KLHL5: variants seen among roughly 807,000 people sequenced by gnomAD.
KLHL5 encodes kelch like family member 5, also known as kelch-like protein 5.
A neutral mutation model predicts 77.7 loss-of-function variants in KLHL5; 48 were observed. The observed-to-expected ratio is 0.62, with a 90% CI of 0.49 to 0.79. The LOEUF is 0.79. KLHL5 is among the 30% of genes least tolerant of loss of function. The pLI is 0.00. For synonymous variants in KLHL5, 260 were observed against 297.0 expected (o/e 0.88, Z 1.28); for missense variants, 723 against 859.7 (o/e 0.84, Z 1.99).
chr4:39,134,997 ACAGAG>A, the KLHL5 span, among the ~76,000 whole-genome samples: 1 of 152,208 alleles, frequency 6.6e-6, no homozygotes, highest in Non-Finnish European at 1.5e-5. Flanking sequence ...GATGTATCAG[ACAGAG>A]TCCAGTTGGG....
At chr4:39,106,008 C>G (rs1305992466) in intron 7 of KLHL5, among the ~76,000 whole-genome samples, 1 of 152,088 alleles carries the variant, frequency 6.6e-6, no homozygotes, top group Non-Finnish European at 1.5e-5. Context: ...TCAAAGCCAT[C>G]TCAAAGCCAT....
At chr4:39,069,155 A>G (rs1180932048) in intron 1 of KLHL5, among the ~76,000 whole-genome samples, 1 of 152,090 alleles carries the variant, frequency 6.6e-6, no homozygotes, top group African/African-American at 2.4e-5. Context: ...GACCGAAGAG[A>G]GGAAGAGAAA....
In KLHL5 at chr4:39,121,195, A is replaced by G. The variant is rs1723189644; in HGVS notation, c.*129A>G. 4.2e-6 allele frequency: 3 copies of G among 716,144 alleles called. No homozygotes were observed. The South Asian group carries it at 5.0e-5, about 12-fold the overall frequency. 44.4% of individuals were successfully genotyped at this position (716,144 alleles called of 1,614,324 possible). ...CCTGGGCACAAAGTGCCTGATGTCA[A>G]AATGAAGATAGTAAAACAAGGGAGG... On this transcript the variant is annotated 3_prime_UTR_variant, in exon 11 of 11. Coordinates refer to ENST00000504108, the MANE Select transcript of KLHL5 (RefSeq NM_015990.5).
chr4:39,107,739 A>G lies in KLHL5; in HGVS notation c.1688+8A>G, dbSNP rs374539396. On this transcript the variant is annotated splice_region_variant and intron_variant, in intron 8 of 10. Transcript: ENST00000504108. ...GGCAGTACTAAGTGGAAAGTAAGGA[A>G]ATATTTAAAGTTCCATTTAAAATGC... 6.4e-6 allele frequency: 10 copies of G among 1,573,738 alleles called. No individual in the cohort carries two copies. The highest frequency in any genetic ancestry group is 8.7e-6 in the Non-Finnish European group (10 of 1,152,984).
Position 39,125,168 on chromosome 4 carries a change from A to AC in KLHL5, c.*4102_*4103insC, listed in dbSNP as rs1723461428. Among the ~76,000 whole-genome samples the AC allele has an allele frequency of 6.6e-6, 1 of 151,868 alleles. No homozygotes were observed. Among genetic ancestry groups the AC allele is most frequent in the Admixed American group, 6.6e-5 (1 of 15,216 alleles). ...ACCTAGGATCTAAACCTACAGGAAA[A>AC]AAAATGAATAATAGAGAAAATAAAT... On this transcript the variant is annotated 3_prime_UTR_variant, in exon 11 of 11. Coordinates refer to ENST00000504108, the MANE Select transcript of KLHL5 (RefSeq NM_015990.5).
intron 4 of KLHL5, among the ~76,000 whole-genome samples, chr4:39,083,229 T>A (rs1302912653): frequency 6.6e-6 from 1 of 152,220 alleles, no homozygotes; most frequent in African/African-American, 2.4e-5. Flanking sequence ...AGATCAATTC[T>A]GTCTACTTCA....
intron 1 of KLHL5, among the ~76,000 whole-genome samples, chr4:39,047,657 C>G (rs2110103667): frequency 6.6e-6 from 1 of 152,308 alleles, no homozygotes; most frequent in Admixed American, 6.5e-5. Flanking sequence ...GTTGAAGGAC[C>G]TCTAGGGCAC....
Position 39,062,516 on chromosome 4 carries a change from T to C in KLHL5, c.-137T>C. On this transcript the variant is annotated 5_prime_UTR_variant, in exon 1 of 11. An upstream start codon of the reference 5' UTR is lost. Transcript: ENST00000504108. ...ATAAAAGTAATTGTAGATATATATA[T>C]GAATGTGATTTATTTTCCTTTACAT... is the stretch of plus-strand genomic sequence containing the variant. The C allele has an allele frequency of 6.2e-7, 1 of 1,604,222 alleles. No individual in the cohort carries two copies. The highest frequency in any genetic ancestry group is 8.5e-7 in the Non-Finnish European group (1 of 1,171,976).
chr4:39,054,167 T>C (rs746843662), intron 1 of KLHL5, among the ~76,000 whole-genome samples: 7 of 152,210 alleles, frequency 4.6e-5, no homozygotes, highest in Non-Finnish European at 8.8e-5. Context: ...CCAAGTCAAC[T>C]ATACTCTCAA....
At position 39,123,861 on chromosome 4, in the gene KLHL5, A is replaced by T. The variant is rs571870556; in HGVS notation, c.*2795A>T. Among the ~76,000 whole-genome samples, 1 of 152,212 alleles carries T rather than the reference A, an allele frequency of 6.6e-6. No homozygotes were observed. Among genetic ancestry groups the T allele is most frequent in the Non-Finnish European group, 1.5e-5 (1 of 68,046 alleles). ...GGTCTAGCCAGAGCAATTAGGCAAGAAAAAGAAATAAAATGAATCCCAAAT... is the reference window on the plus strand; with the variant it reads ...GGTCTAGCCAGAGCAATTAGGCAAGTAAAAGAAATAAAATGAATCCCAAAT... On this transcript the variant is annotated 3_prime_UTR_variant, in exon 11 of 11. Transcript: ENST00000504108.
intron 2 of KLHL5, among the ~76,000 whole-genome samples, chr4:39,080,408 C>G (rs1719502378): frequency 6.6e-6 from 1 of 151,878 alleles, no homozygotes. Context: ...CGTCTGTAAT[C>G]CCAGCTACTC....
chr4:39,086,451 C>A, intron 4 of KLHL5, 64 bp from the exon 5 acceptor site: 2 of 1,307,656 alleles, frequency 1.5e-6, no homozygotes, highest in Non-Finnish European at 1.1e-6. Context: ...CTTTTACTTT[C>A]TTCTAAGTAA....
upstream of KLHL5, among the ~76,000 whole-genome samples, chr4:39,060,339 G>T (rs924119099): frequency 6.6e-6 from 1 of 151,990 alleles, no homozygotes; most frequent in Non-Finnish European, 1.5e-5. Context: ...GAGGAGGATT[G>T]GCAAAATAAA....
At chr4:39,050,968 A>G (rs1716595275) in intron 1 of KLHL5, among the ~76,000 whole-genome samples, 1 of 152,178 alleles carries the variant, frequency 6.6e-6, no homozygotes, top group Non-Finnish European at 1.5e-5. Flanking sequence ...TGAATTGTCT[A>G]ACTCTTATAA....
Position 39,062,861 on chromosome 4 carries a change from G to A in KLHL5, c.209G>A (p.Arg70Lys). 1 of 1,614,114 alleles carries A rather than the reference G, an allele frequency of 6.2e-7. No homozygotes were observed. The highest frequency in any genetic ancestry group is 8.5e-7 in the Non-Finnish European group (1 of 1,180,014). Residue 70 changes from arginine to lysine, a missense_variant, in exon 1 of 11, where the codon AGG becomes AAG. By Grantham distance (26) the Arg-to-Lys change is conservative (BLOSUM62 2). Transcript: ENST00000504108. The part of the protein sequence containing the change: ...QLPLASIGYR[R>K]SSQLDFQNSP... Reference sequence around the variant, plus strand: ...CCTTTGGCTTCAATTGGTTACCGAAGGTCCAGCCAACTGGATTTTCAGAAT... The same window carrying A: ...CCTTTGGCTTCAATTGGTTACCGAAAGTCCAGCCAACTGGATTTTCAGAAT...
chr4:39,076,063 T>C lies in KLHL5; in HGVS notation c.482T>C (p.Phe161Ser), dbSNP rs1719002530. 1.9e-6 allele frequency: 3 copies of C among 1,608,358 alleles called. No homozygotes were observed. The highest frequency in any genetic ancestry group is 2.5e-6 in the Non-Finnish European group (3 of 1,178,514). ...FQALNHAEQT[F>S]KKMENYLRHK... Reference sequence around the variant, plus strand: ...GCCCTTAATCATGCCGAGCAAACATTTAAAAAAATGGAAAACTATTTGAGA... The same window carrying C: ...GCCCTTAATCATGCCGAGCAAACATCTAAAAAAATGGAAAACTATTTGAGA... The change falls in exon 2 of 11, where the codon TTT becomes TCT. Residue 161 changes from phenylalanine to serine, a missense_variant. Physicochemically the swap from Phe to Ser is radical, Grantham distance 155. This residue lies in a region of KLHL5 where 221 missense variants were observed against 222.1 expected (regional missense o/e 1.00). Transcript: ENST00000504108.
At chr4:39,106,618 AG>A (rs1216124966) in intron 7 of KLHL5, among the ~76,000 whole-genome samples, 3 of 152,194 alleles carry the variant, frequency 2.0e-5, no homozygotes, top group African/African-American at 7.2e-5. Flanking sequence ...TTGAATTAAC[AG>A]GGGGGAAGGT....
At chr4:39,094,162 A>G (rs1408376056) in intron 5 of KLHL5, among the ~76,000 whole-genome samples, 1 of 152,100 alleles carries the variant, frequency 6.6e-6, no homozygotes, top group African/African-American at 2.4e-5. Context: ...AGTTATGATT[A>G]TTTGCATAAC....
Position 39,084,807 on chromosome 4 carries a change from A to G in KLHL5, c.901-1708A>G, listed in dbSNP as rs59436075. Among the ~76,000 whole-genome samples the G allele has an allele frequency of 8.5e-3, 1,287 of 152,306 alleles. 18 individuals are homozygous for G. The highest frequency in any genetic ancestry group is 0.029 in the African/African-American group (1,210 of 41,568). Reference sequence around the variant, plus strand: ...TATATGTTTAAGGAATTGGAAATATATATTATTATTTCAGTTTCTTCACAA... The same window carrying G: ...TATATGTTTAAGGAATTGGAAATATGTATTATTATTTCAGTTTCTTCACAA... On this transcript the variant is annotated intron_variant, in intron 4 of 10. Transcript: ENST00000504108.
Sources: allele counts gnomAD v4.1 joint callset (sites outside exome capture counted in the v4.1 genomes callset), GRCh38; gene constraint gnomAD v4.1.1; regional missense constraint gnomAD v4.1.1; transcripts MANE v1.5; gene names NCBI Gene and HGNC (gene_info 2026-07-23, HGNC 2026-07-21).